The following TEX14 variants were observed in gnomAD, a reference collection of about 807,000 sequenced individuals.
TEX14 encodes the protein inactive serine/threonine-protein kinase TEX14.
In TEX14, 168 loss-of-function variants were observed where a neutral mutation model predicts 178.6. That is an observed-to-expected ratio of 0.94 (90% CI 0.83 to 1.07). The LOEUF (loss-of-function observed/expected upper bound fraction) is 1.07, where lower values mean the gene tolerates loss of function less well. Ranked by LOEUF, TEX14 falls within the 50% of genes least tolerant of loss-of-function variation. The pLI is 0.00. For synonymous variants in TEX14, 626 were observed against 634.1 expected (o/e 0.99, Z 0.19); for missense variants, 1,730 against 1,753.6 (o/e 0.99, Z 0.24).
At chr17:58,663,498 A>T (rs1304120368) in intron 1 of TEX14, among the ~76,000 whole-genome samples, 2 of 149,222 alleles carry the variant, frequency 1.3e-5, no homozygotes, top group Non-Finnish European at 3.0e-5. Context: ...ACAGAGTCTC[A>T]CTCTGTCACT....
At chr17:58,659,218 T>C (rs1169147060) in intron 1 of TEX14, 4 of 241,366 alleles carry the variant, frequency 1.7e-5, no homozygotes, top group South Asian at 1.7e-4. Context: ...TTCGGGGAAA[T>C]CGCGGGAGCA....
intron 15 of TEX14, among the ~76,000 whole-genome samples, chr17:58,588,560 C>T (rs2144422715): frequency 6.6e-6 from 1 of 152,260 alleles, no homozygotes; most frequent in East Asian, 1.9e-4. Flanking sequence ...GCTAGGATTA[C>T]AGGTGTGAGC....
chr17:58,678,987 C>T (rs1222617653), intron 1 of TEX14, among the ~76,000 whole-genome samples: 1 of 151,910 alleles, frequency 6.6e-6, no homozygotes, highest in Non-Finnish European at 1.5e-5. Flanking sequence ...AACCCCGTCT[C>T]TACTAAAAAT....
chr17:58,572,075 G>A lies in TEX14; in HGVS notation c.3563C>T (p.Thr1188Ile). ...GGCAAACTCTGTCTTAACCTGAAAT[G>A]TGATACTTTCAAGGCAGTCTTTATA... ...SQYKDCLESI[T>I]FQVKTEFASC... The change falls in exon 24 of 32, where the codon ACA becomes ATA. Residue 1188 changes from threonine to isoleucine, a missense_variant. Thr to Ile is a moderately conservative substitution (Grantham distance 89). Coordinates refer to ENST00000349033, the MANE Select transcript of TEX14 (RefSeq NM_031272.5). The A allele has an allele frequency of 1.9e-6, 3 of 1,614,100 alleles. No individual in the cohort carries two copies. The highest frequency in any genetic ancestry group is 2.2e-5 in the East Asian group (1 of 44,884).
Position 58,611,169 on chromosome 17 carries a change from C to A in TEX14, c.1176G>T (p.Met392Ile). Reference protein sequence around the residue: ...GEARLTNLEYMLESEDRGVQR... With the variant: ...GEARLTNLEYILESEDRGVQR... ...CTCCATGTTATGCCCACCTTTCCAACATGTACTCCAGGTTGGTCAGCCTCG... is the reference window on the plus strand; with the variant it reads ...CTCCATGTTATGCCCACCTTTCCAAAATGTACTCCAGGTTGGTCAGCCTCG... The change falls in exon 10 of 32, where the codon ATG (methionine) becomes ATT (isoleucine). Residue 392 changes from methionine (M) to isoleucine (I), a missense_variant. Met to Ile is a conservative substitution (Grantham distance 10). This residue lies in a region of TEX14 where 789 missense variants were observed against 681.2 expected (regional missense o/e 1.16). Transcript: ENST00000349033. 1 of 1,613,374 alleles carries A rather than the reference C, an allele frequency of 6.2e-7. No homozygotes were observed. The highest frequency in any genetic ancestry group is 1.7e-4 in the Middle Eastern group (1 of 6,060).
In TEX14 at chr17:58,587,739, G is replaced by T. The variant is rs189248649; in HGVS notation, c.2703-73C>A. 4.7e-4 allele frequency: 590 copies of T among 1,267,280 alleles called. 7 individuals are homozygous for T. In the East Asian group the frequency reaches 0.011, roughly 24 times the overall value. 78.5% of individuals were successfully genotyped at this position (1,267,280 alleles called of 1,614,324 possible). On this transcript the variant is annotated intron_variant, in intron 16 of 31. Coordinates refer to ENST00000349033, the MANE Select transcript of TEX14 (RefSeq NM_031272.5). ...AACACATCAGTTTGCTCAAGTTCTT[G>T]ACAGAACCAAAAGCCCACCAGCCCA...
At chr17:58,588,383 T>C (rs2045034992) in intron 15 of TEX14, among the ~76,000 whole-genome samples, 1 of 152,188 alleles carries the variant, frequency 6.6e-6, no homozygotes, top group South Asian at 2.1e-4. Context: ...AACCTCCGCC[T>C]CCTGGGTTCA....
chr17:58,641,488 T>TTTGTTA (rs1555577864), intron 2 of TEX14, among the ~76,000 whole-genome samples: 1 of 143,646 alleles, frequency 7.0e-6, no homozygotes, highest in Non-Finnish European at 1.5e-5. Context: ...TTCTCTTTTA[T>TTTGTTA]TTATTATTAT....
chr17:58,668,356 T>C (rs1468392676), intron 1 of TEX14, among the ~76,000 whole-genome samples: 1 of 152,108 alleles, frequency 6.6e-6, no homozygotes, highest in African/African-American at 2.4e-5. Context: ...AAAGTGCACC[T>C]CTCCCAGCTA....
rs762398226 is a variant in TEX14 at position 58,577,489 on chromosome 17, A to AT, written c.3239-34dup. The AT allele has an allele frequency of 3.3e-3, 2,487 of 749,436 alleles. 2 individuals carry two copies. Among genetic ancestry groups the AT allele is most frequent in the Middle Eastern group, 5.7e-3 (13 of 2,294 alleles). The allele number at this position is 749,436 out of a possible 1,614,324, so 46.4% of individuals were successfully genotyped here. ...AATAAAGTTAAAAATATATATATATATTTTTTTTTACTGAATCTTTGTCAA... is the reference window on the plus strand; with the variant it reads ...AATAAAGTTAAAAATATATATATATATTTTTTTTTTACTGAATCTTTGTCAA... On this transcript the variant is annotated intron_variant, in intron 20 of 31. Coordinates refer to ENST00000349033, the MANE Select transcript of TEX14 (RefSeq NM_031272.5).
At chr17:58,581,866 A>T in intron 19 of TEX14, 1 of 927,086 alleles carries the variant, frequency 1.1e-6, no homozygotes, top group South Asian at 1.7e-5. Context: ...GACTCTCCCT[A>T]CCTCTTTGTG....
At chr17:58,632,479 G>A (rs1240421680) in intron 2 of TEX14, among the ~76,000 whole-genome samples, 2 of 152,142 alleles carry the variant, frequency 1.3e-5, no homozygotes, top group Non-Finnish European at 2.9e-5. Flanking sequence ...GGCGTGAGCC[G>A]TCACACCCGG....
intron 2 of TEX14, among the ~76,000 whole-genome samples, chr17:58,635,848 C>A (rs1000841178): frequency 2.6e-5 from 4 of 151,890 alleles, no homozygotes; most frequent in Admixed American, 2.0e-4. Flanking sequence ...CGGGTTCAAG[C>A]GATTCTCCTG....
intron 10 of TEX14, among the ~76,000 whole-genome samples, chr17:58,609,092 C>T (rs2045683848): frequency 6.6e-6 from 1 of 152,152 alleles, no homozygotes. Flanking sequence ...GTCATGGCTC[C>T]GGTCATACCC....
intron 28 of TEX14, among the ~76,000 whole-genome samples, chr17:58,563,119 A>G (rs1449316739): frequency 1.3e-5 from 2 of 151,754 alleles, no homozygotes; most frequent in Non-Finnish European, 2.9e-5. Flanking sequence ...TTGACTACTG[A>G]GTTTTTTTGG....
Position 58,613,815 on chromosome 17 carries a change from C to T in TEX14, c.882-271G>A, listed in dbSNP as rs186980743. Among the ~76,000 whole-genome samples, 235 of 152,172 alleles carry T rather than the reference C, an allele frequency of 1.5e-3. 2 individuals carry two copies. Among genetic ancestry groups the T allele is most frequent in the African/African-American group, 5.0e-3 (208 of 41,534 alleles). On this transcript the variant is annotated intron_variant, in intron 8 of 31. Coordinates refer to ENST00000349033, the MANE Select transcript of TEX14 (RefSeq NM_031272.5). ...CCAAGTAGCTGGGATTACGGATGCC[C>T]ACCACCACTTGCAGCTAATTTTTGT...
chr17:58,635,424 C>G (rs1483674143), intron 2 of TEX14, among the ~76,000 whole-genome samples: 1 of 145,812 alleles, frequency 6.9e-6, no homozygotes, highest in Non-Finnish European at 1.5e-5. Context: ...CCAAGGGCTT[C>G]TCTCTTTTTT....
chr17:58,625,890 G>A lies in TEX14; in HGVS notation c.252-2878C>T, dbSNP rs1456204566. Among the ~76,000 whole-genome samples the A allele has an allele frequency of 3.9e-5, 6 of 151,948 alleles. No individual in the cohort carries two copies. The East Asian group carries it at 9.7e-4, about 25-fold the overall frequency. On this transcript the variant is annotated intron_variant, in intron 3 of 31. Transcript: ENST00000349033. ...TGAGTAGCTGGGACTACAGGCGCCC[G>A]CCACCATGGCTGGCTAATTTTTTTT...
intron 1 of TEX14, among the ~76,000 whole-genome samples, chr17:58,689,466 G>A (rs1397366764): frequency 2.0e-5 from 3 of 151,698 alleles, no homozygotes; most frequent in Middle Eastern, 3.4e-3. Context: ...TGATCCACCC[G>A]CCTTGGCCTC....
Sources: gnomAD v4.1 joint callset for allele counts (sites outside exome capture counted in the v4.1 genomes callset) on GRCh38, gnomAD v4.1.1 for gene constraint, gnomAD v4.1.1 regional missense constraint, MANE v1.5 for transcripts, NCBI Gene and HGNC (gene_info 2026-07-23, HGNC 2026-07-21) for gene names.